Variants in AARD observed in about 807,000 individuals in gnomAD.
AARD encodes alanine and arginine rich domain containing protein, also known as alanine- and arginine-rich domain-containing protein.
A neutral mutation model predicts 9.3 loss-of-function variants in AARD; 9 were observed. The ratio of observed to expected loss-of-function variants is 0.97; its 90% CI spans 0.58 to 1.69. The LOEUF is 1.69. Ranked by LOEUF, AARD falls within the 40% of genes most tolerant of loss-of-function variation. The pLI, the probability that AARD is intolerant of heterozygous loss-of-function variation, is 0.00. For synonymous variants in AARD, 91 were observed against 93.8 expected, an observed-to-expected ratio of 0.97 and a Z score of 0.17; for missense variants, 236 against 210.3, an observed-to-expected ratio of 1.12 and a Z score of -0.76.
chr8:116,944,116 G>T lies in AARD; in HGVS notation c.*1415G>T, dbSNP rs552295091. 6.6e-5 allele frequency: 10 copies of T among 152,288 alleles called. No homozygotes were observed. The South Asian group carries it at 1.5e-3, about 22-fold the overall frequency. 9.4% of individuals were successfully genotyped at this position (152,288 alleles called of 1,614,324 possible). A position where few individuals can be genotyped will look rare whatever the true frequency, so the allele number is the denominator to read the frequency against. ...TTCTTGAAGACAAAGGAGAACAGAA[G>T]AGACACAGTCTTTCTCTTGTTAAAA... is the stretch of plus-strand genomic sequence containing the variant. On this transcript the variant is annotated 3_prime_UTR_variant, in exon 2 of 2. Transcript: ENST00000378279.
At chr8:116,939,294 T>C (rs887603862) in intron 1 of AARD, among the ~76,000 whole-genome samples, 10 of 152,232 alleles carry the variant, frequency 6.6e-5, no homozygotes, top group Non-Finnish European at 1.5e-4. Flanking sequence ...CAACCATTAG[T>C]AAATTGTCTT....
chr8:116,941,044 A>G (rs189327377), intron 1 of AARD, among the ~76,000 whole-genome samples: 2 of 152,264 alleles, frequency 1.3e-5, no homozygotes, highest in African/African-American at 4.8e-5. Flanking sequence ...TAATTAATTA[A>G]TTAATTAATT....
At chr8:116,939,125 C>G (rs995243579) in intron 1 of AARD, among the ~76,000 whole-genome samples, 1 of 151,944 alleles carries the variant, frequency 6.6e-6, no homozygotes, top group South Asian at 2.1e-4. Flanking sequence ...ATTCAAAAAA[C>G]TGGAAATTAG....
At position 116,938,453 on chromosome 8, in the gene AARD, G is replaced by A. The variant is rs76753109; in HGVS notation, c.210G>A (p.Ala70=). 4,688 of 1,601,290 alleles carry A rather than the reference G, an allele frequency of 2.9e-3. 119 individuals are homozygous for A. The African/African-American group carries it at 0.055, about 19-fold the overall frequency. Residue 70 remains alanine, a synonymous_variant, in exon 1 of 2, where the codon GCG becomes GCA. Coordinates refer to ENST00000378279, the MANE Select transcript of AARD (RefSeq NM_001025357.3). ...GGCTGACGCGCGCCTTCCAGTGGGC[G>A]GTGCAGCGCGCGATCTCGAGGCGCG... The part of the protein sequence containing the change: ...RRRLTRAFQW[A]VQRAISRRVQ...
At chr8:116,940,669 C>T (rs1035369445) in intron 1 of AARD, among the ~76,000 whole-genome samples, 3 of 152,102 alleles carry the variant, frequency 2.0e-5, no homozygotes, top group South Asian at 2.1e-4. Context: ...TCGTAAGGAA[C>T]GATGAACAAA....
rs781085897 is a variant in AARD, at chr8:116,942,665, C to T, written c.432C>T (p.Ser144=). ...ATGAACTGGAAATTACATCAGACTC[C>T]CAAAGCCCAAAAGATGATGCTGCGA... ...KEYELEITSD[S]QSPKDDAANP... The change falls in exon 2 of 2, where the codon TCC becomes TCT. Residue 144 remains serine (S), a synonymous_variant. Transcript: ENST00000378279. 1.2e-5 allele frequency: 19 copies of T among 1,613,648 alleles called. No homozygotes were observed. The South Asian group carries it at 2.1e-4, about 18-fold the overall frequency.
intron 1 of AARD, 175 bp downstream of exon 1, chr8:116,938,742 C>T: frequency 1.0e-6 from 1 of 954,706 alleles, no homozygotes; most frequent in African/African-American, 1.7e-5. Flanking sequence ...AAGGGCCCTG[C>T]AGGACCCATG....
intron 1 of AARD, among the ~76,000 whole-genome samples, chr8:116,940,474 G>A (rs1280236158): frequency 6.6e-6 from 1 of 152,180 alleles, no homozygotes; most frequent in Non-Finnish European, 1.5e-5. Context: ...ACAGACGATG[G>A]TCAACATCTT....
chr8:116,938,657 C>T, intron 1 of AARD, 90 bp downstream of exon 1: 2 of 1,373,020 alleles, frequency 1.5e-6, no homozygotes, highest in East Asian at 3.0e-5. Flanking sequence ...CGTAGCCCAC[C>T]CGACGCCTTG....
rs575118752 is a variant in AARD, at chr8:116,938,485, A to AGGCGGCGGC, written c.256_264dup (p.Ala86_Ala88dup). ...CGCGCGATCTCGAGGCGCGTGCAGG[A>AGGCGGCGGC]GGCGGCGGCGGCGGCGGCGGCGCGG... On this transcript the variant is annotated inframe_insertion, in exon 1 of 2. Coordinates refer to ENST00000378279, the MANE Select transcript of AARD (RefSeq NM_001025357.3). 6.2e-5 allele frequency: 96 copies of AGGCGGCGGC among 1,559,044 alleles called. No homozygotes were observed. The highest frequency in any genetic ancestry group is 3.8e-4 in the Middle Eastern group (2 of 5,320).
chr8:116,942,529 T>C, intron 1 of AARD, 29 bp from the exon 2 acceptor site: 1 of 1,573,564 alleles, frequency 6.4e-7, no homozygotes, highest in Non-Finnish European at 8.6e-7. Flanking sequence ...CTCAGGCTAA[T>C]AAAATTTTTA....
intron 1 of AARD, among the ~76,000 whole-genome samples, chr8:116,941,293 G>C (rs994144030): frequency 4.6e-5 from 7 of 152,182 alleles, no homozygotes; most frequent in Non-Finnish European, 8.8e-5. Flanking sequence ...CATTTGACTG[G>C]GTTCAGCAGA....
rs1028458915 is a variant in AARD, at chr8:116,938,552, G to A, written c.309G>A (p.Arg103=). 1 of 1,438,358 alleles carries A rather than the reference G, an allele frequency of 7.0e-7. No individual in the cohort carries two copies. Among genetic ancestry groups the A allele is most frequent in the African/African-American group, 1.5e-5 (1 of 66,978 alleles). 89.1% of individuals were successfully genotyped at this position (1,438,358 alleles called of 1,614,324 possible). Residue 103 remains arginine, a synonymous_variant, in exon 1 of 2, where the codon AGG becomes AGA. Transcript: ENST00000378279. ...SWTGVEATLA[R]LRAELVEMHF... Reference sequence around the variant, plus strand: ...CGGGCGTTGAGGCCACCCTGGCCAGGCTGCGGGCGGAGCTGGTGAGAGAGC... The same window carrying A: ...CGGGCGTTGAGGCCACCCTGGCCAGACTGCGGGCGGAGCTGGTGAGAGAGC...
intron 1 of AARD, among the ~76,000 whole-genome samples, chr8:116,939,671 G>C (rs1480980275): frequency 6.6e-6 from 1 of 152,218 alleles, no homozygotes; most frequent in Admixed American, 6.5e-5. Context: ...TTCCGTGTCA[G>C]ATTCAGATTG....
chr8:116,938,805 C>G (rs990969254), intron 1 of AARD: 1 of 520,604 alleles, frequency 1.9e-6, no homozygotes, highest in Non-Finnish European at 3.2e-6. Context: ...CCCAAGATGT[C>G]TCCTCCCCAA....
At chr8:116,941,760 A>G (rs1813748146) in intron 1 of AARD, among the ~76,000 whole-genome samples, 2 of 152,188 alleles carry the variant, frequency 1.3e-5, no homozygotes, top group Admixed American at 6.5e-5. Context: ...GGTGGTTTCT[A>G]TTGACAAGCT....
At chr8:116,940,012 G>T (rs1813726435) in intron 1 of AARD, among the ~76,000 whole-genome samples, 2 of 152,212 alleles carry the variant, frequency 1.3e-5, no homozygotes, top group Non-Finnish European at 2.9e-5. Flanking sequence ...TAAGTTGCTT[G>T]TTAGGAGCTT....
intron 1 of AARD, among the ~76,000 whole-genome samples, chr8:116,939,874 C>T (rs1457609637): frequency 6.6e-6 from 1 of 152,188 alleles, no homozygotes; most frequent in Admixed American, 6.5e-5. Context: ...CCTGGCGCAG[C>T]CATCTCTGCA....
chr8:116,942,431 A>T, intron 1 of AARD, 127 bp from the exon 2 acceptor site: 4 of 876,060 alleles, frequency 4.6e-6, no homozygotes, highest in Non-Finnish European at 6.6e-6. Flanking sequence ...AAGATGAGAA[A>T]TACATCTTCC....
Sources: allele counts gnomAD v4.1 joint callset (sites outside exome capture counted in the v4.1 genomes callset), GRCh38; gene constraint gnomAD v4.1.1; transcripts MANE v1.5; gene names NCBI Gene and HGNC (gene_info 2026-07-23, HGNC 2026-07-21).